EXOC6B: variants seen among roughly 807,000 people sequenced by gnomAD.
EXOC6B encodes SEC15 homolog B.
EXOC6B carries 54 observed loss-of-function variants against 113.5 expected under a neutral mutation model. The observed-to-expected ratio is 0.48, with a 90% CI of 0.38 to 0.60. EXOC6B has a LOEUF of 0.60. EXOC6B is among the 20% of genes least tolerant of loss of function. The probability of loss-of-function intolerance (pLI) is 0.00; values close to 1 mark genes in which losing one functional copy is unlikely to be tolerated. For synonymous variants in EXOC6B, 357 were observed against 339.0 expected, an observed-to-expected ratio of 1.05 and a Z score of -0.58; for missense variants, 797 against 977.5, an observed-to-expected ratio of 0.82 and a Z score of 2.46.
intron 18 of EXOC6B, among the ~76,000 whole-genome samples, chr2:72,398,460 G>A (rs1041759918): frequency 6.6e-6 from 1 of 152,038 alleles, no homozygotes; most frequent in Admixed American, 6.6e-5. Flanking sequence ...ACTTTCAGAG[G>A]CCAAGGCAGG....
chr2:72,531,524 T>C (rs4852874), intron 8 of EXOC6B, among the ~76,000 whole-genome samples: 93,377 of 152,184 alleles, frequency 0.61, 34,924 homozygotes, highest in East Asian at 0.99. Flanking sequence ...CAAATTATAC[T>C]GTATGCTAGA....
intron 20 of EXOC6B, among the ~76,000 whole-genome samples, chr2:72,260,435 A>C (rs765754861): frequency 4.6e-5 from 7 of 152,242 alleles, no homozygotes; most frequent in Non-Finnish European, 8.8e-5. Context: ...AATTATGAGC[A>C]GAGTGTCATT....
intron 1 of EXOC6B, among the ~76,000 whole-genome samples, chr2:72,783,228 G>A (rs1684163067): frequency 1.3e-5 from 2 of 149,648 alleles, no homozygotes; most frequent in Non-Finnish European, 3.0e-5. Flanking sequence ...TTCTAACTAG[G>A]GTAAAATATA....
chr2:72,500,381 TAAAC>T (rs1321881379), intron 11 of EXOC6B, among the ~76,000 whole-genome samples: 4 of 151,824 alleles, frequency 2.6e-5, no homozygotes, highest in East Asian at 1.9e-4. Flanking sequence ...AGATTGAAAA[TAAAC>T]AAACTAAGCA....
intron 21 of EXOC6B, chr2:72,182,821 T>G: frequency 9.7e-7 from 1 of 1,026,554 alleles, no homozygotes; most frequent in Non-Finnish European, 1.2e-6. Context: ...AGTGTAGTCA[T>G]TAGTGTCAAT....
intron 6 of EXOC6B, among the ~76,000 whole-genome samples, chr2:72,712,429 A>G (rs1307533423): frequency 2.0e-5 from 3 of 152,166 alleles, no homozygotes; most frequent in Non-Finnish European, 2.9e-5. Flanking sequence ...GGTGTCAACC[A>G]TTGCTGTGGT....
intron 3 of EXOC6B, 55 bp downstream of exon 3, chr2:72,733,016 A>C: frequency 8.2e-7 from 1 of 1,219,266 alleles, no homozygotes; most frequent in Non-Finnish European, 1.2e-6. Context: ...CATAGTCATT[A>C]AAAGAGAGTG....
chr2:72,377,665 T>C (rs1691436196), intron 19 of EXOC6B, among the ~76,000 whole-genome samples: 1 of 152,134 alleles, frequency 6.6e-6, no homozygotes, highest in Non-Finnish European at 1.5e-5. Context: ...GTTGAACTCA[T>C]AGAAGTAGAC....
chr2:72,806,884 T>C (rs927693575), intron 1 of EXOC6B, among the ~76,000 whole-genome samples: 1 of 152,212 alleles, frequency 6.6e-6, no homozygotes, highest in Non-Finnish European at 1.5e-5. Context: ...GGTTTTGCTT[T>C]TTGCTTGTTA....
intron 11 of EXOC6B, among the ~76,000 whole-genome samples, chr2:72,501,700 G>C (rs1700328019): frequency 6.8e-6 from 1 of 147,054 alleles, no homozygotes; most frequent in African/African-American, 2.5e-5. Flanking sequence ...GTAAAATTTT[G>C]AGTCTTCATT....
At chr2:72,301,809 C>T (rs904747079) in intron 20 of EXOC6B, among the ~76,000 whole-genome samples, 2 of 152,000 alleles carry the variant, frequency 1.3e-5, no homozygotes, top group Non-Finnish European at 2.9e-5. Flanking sequence ...TTTGTTGATC[C>T]TGTGAATTTT....
intron 6 of EXOC6B, among the ~76,000 whole-genome samples, chr2:72,578,635 T>C (rs1046619675): frequency 2.0e-5 from 3 of 152,116 alleles, no homozygotes; most frequent in African/African-American, 7.2e-5. Context: ...GTACCAAGCA[T>C]TGTGTTGCAC....
At chr2:72,518,197 T>A (rs946185759) in intron 8 of EXOC6B, among the ~76,000 whole-genome samples, 1 of 152,160 alleles carries the variant, frequency 6.6e-6, no homozygotes, top group Non-Finnish European at 1.5e-5. Flanking sequence ...TAACATTTTT[T>A]AAAAAGCTGC....
chr2:72,758,528 T>A (rs1682575041), intron 1 of EXOC6B, among the ~76,000 whole-genome samples: 2 of 152,132 alleles, frequency 1.3e-5, no homozygotes, highest in South Asian at 4.1e-4. Flanking sequence ...TCTCACATCA[T>A]AGGTGCCATG....
chr2:72,253,791 C>T (rs1416478069), intron 20 of EXOC6B, among the ~76,000 whole-genome samples: 2 of 152,094 alleles, frequency 1.3e-5, no homozygotes, highest in African/African-American at 4.8e-5. Context: ...ACACTGAACC[C>T]CTATGACATG....
At chr2:72,382,210 G>T (rs1691720464) in intron 18 of EXOC6B, among the ~76,000 whole-genome samples, 1 of 152,140 alleles carries the variant, frequency 6.6e-6, no homozygotes, top group Non-Finnish European at 1.5e-5. Context: ...AAGAAAAACA[G>T]GGTTCAACAT....
At position 72,825,659 on chromosome 2, in the gene EXOC6B, G is replaced by A; in HGVS notation, c.113+139C>T. On this transcript the variant is annotated intron_variant, in intron 1 of 21. Transcript: ENST00000272427. This position sits in a 1 kb window ranked among gnomAD's most constrained non-coding sequence, Gnocchi z 4.4. The stretch of plus-strand genomic sequence containing the variant: ...GCGTCGGGGCTGCGAAGGGAGACCC[G>A]CCTCGCCCGGTATGCAGGGTCTCTC... The A allele has an allele frequency of 9.2e-7, 1 of 1,085,354 alleles. No homozygotes were observed. Among genetic ancestry groups the A allele is most frequent in the Non-Finnish European group, 1.2e-6 (1 of 813,394 alleles). 67.2% of individuals were successfully genotyped at this position (1,085,354 alleles called of 1,614,324 possible). A position where few individuals can be genotyped will look rare whatever the true frequency, so the allele number is the denominator to read the frequency against.
intron 21 of EXOC6B, 112 bp downstream of exon 21, chr2:72,183,963 C>T (rs1572957784): frequency 3.3e-6 from 2 of 602,330 alleles, no homozygotes; most frequent in South Asian, 2.4e-5. Context: ...ATGGCAACTT[C>T]CAGAACAAGG....
intron 6 of EXOC6B, among the ~76,000 whole-genome samples, chr2:72,615,519 A>C (rs1381042738): frequency 6.6e-6 from 1 of 151,982 alleles, no homozygotes; most frequent in Non-Finnish European, 1.5e-5. Context: ...ATGGTCAAAA[A>C]AAGAAAGTAA....
Sources: gnomAD v4.1 joint callset for allele counts (sites outside exome capture counted in the v4.1 genomes callset) on GRCh38, gnomAD v4.1.1 for gene constraint, Gnocchi (gnomAD v3.1) non-coding constraint, MANE v1.5 for transcripts, NCBI Gene and HGNC (gene_info 2026-07-23, HGNC 2026-07-21) for gene names.